GNA14: variants seen among roughly 807,000 people sequenced by gnomAD.
GNA14 encodes guanine nucleotide-binding protein subunit alpha-14.
GNA14 carries 50 observed loss-of-function variants against 42.0 expected under a neutral mutation model. The observed-to-expected ratio is 1.19, with a 90% CI of 0.95 to 1.51. GNA14 has a LOEUF of 1.51. GNA14 is among the 40% of genes most tolerant of loss of function. The pLI, the probability that GNA14 is intolerant of heterozygous loss-of-function variation, is 0.00. For missense variants in GNA14, 473 were observed against 446.2 expected (o/e 1.06, Z -0.54); for synonymous variants, 173 against 163.1 (o/e 1.06, Z -0.46).
intron 1 of GNA14, among the ~76,000 whole-genome samples, chr9:77,591,099 C>T (rs994802735): frequency 1.3e-5 from 2 of 152,158 alleles, no homozygotes; most frequent in African/African-American, 4.8e-5. Context: ...TCTTGCCCTC[C>T]AGGAAGGCAG....
intron 2 of GNA14, among the ~76,000 whole-genome samples, chr9:77,464,309 A>G (rs1342609963): frequency 6.7e-6 from 1 of 148,786 alleles, no homozygotes; most frequent in African/African-American, 2.5e-5. Flanking sequence ...CCATGTGTGT[A>G]TGTGAGAGTG....
At chr9:77,491,069 T>A (rs1836765903) in intron 2 of GNA14, among the ~76,000 whole-genome samples, 1 of 152,216 alleles carries the variant, frequency 6.6e-6, no homozygotes, top group Admixed American at 6.5e-5. Context: ...TCGAATGACA[T>A]TTTCAAATTG....
chr9:77,557,575 T>C (rs1822804973), intron 1 of GNA14, among the ~76,000 whole-genome samples: 1 of 152,218 alleles, frequency 6.6e-6, no homozygotes, highest in South Asian at 2.1e-4. Flanking sequence ...TATGAAACTA[T>C]CTTTTCAATA....
chr9:77,645,247 C>A (rs1393539931), intron 1 of GNA14, among the ~76,000 whole-genome samples: 1 of 152,190 alleles, frequency 6.6e-6, no homozygotes, highest in Admixed American at 6.5e-5. Flanking sequence ...AACTGAGGCA[C>A]CTGAGCAGTG....
At chr9:77,429,814 G>A (rs147267869) in intron 4 of GNA14, among the ~76,000 whole-genome samples, 16 of 152,268 alleles carry the variant, frequency 1.1e-4, no homozygotes, top group Middle Eastern at 6.8e-3. Context: ...GAGAAACAAG[G>A]TATCCAATGT....
At chr9:77,596,207 T>C (rs114061930) in intron 1 of GNA14, among the ~76,000 whole-genome samples, 2,276 of 152,058 alleles carry the variant, frequency 0.015, 54 homozygotes, top group African/African-American at 0.052. Context: ...ACAAATGTCA[T>C]TGACTGCATC....
rs564322747 is a variant in GNA14 at position 77,507,056 on chromosome 9, A to T, written c.309+22013T>A. ...AAAGAACATAGCAGATTTTATCCACATTTCCCAGTTGAAAGTAAGTTCAGA... is the reference window on the plus strand; with the variant it reads ...AAAGAACATAGCAGATTTTATCCACTTTTCCCAGTTGAAAGTAAGTTCAGA... On this transcript the variant is annotated intron_variant, in intron 2 of 6. Transcript: ENST00000341700. 2.6e-5 allele frequency among the ~76,000 whole-genome samples: 4 copies of T among 152,322 alleles called. No individual in the cohort carries two copies. The South Asian group carries it at 8.3e-4, about 32-fold the overall frequency.
At chr9:77,479,322 C>T (rs1245351545) in intron 2 of GNA14, among the ~76,000 whole-genome samples, 4 of 152,130 alleles carry the variant, frequency 2.6e-5, no homozygotes, top group Non-Finnish European at 5.9e-5. Context: ...TGTCAAAGAT[C>T]AGATGGTTGT....
chr9:77,456,209 C>A (rs1437357779), intron 2 of GNA14: 1 of 152,128 alleles, frequency 6.6e-6, no homozygotes, highest in African/African-American at 2.4e-5. Flanking sequence ...CCAGAACAAC[C>A]ATTCAATTCC....
chr9:77,585,993 G>C (rs1823295016), intron 1 of GNA14, among the ~76,000 whole-genome samples: 2 of 152,016 alleles, frequency 1.3e-5, no homozygotes, highest in African/African-American at 4.8e-5. Context: ...TTATTTTCCA[G>C]GCAGTCTTAG....
chr9:77,576,850 A>G (rs1243319415), intron 1 of GNA14, among the ~76,000 whole-genome samples: 2 of 152,186 alleles, frequency 1.3e-5, no homozygotes, highest in Admixed American at 1.3e-4. Context: ...AACACAGCAA[A>G]TATTTTCCAG....
intron 2 of GNA14, chr9:77,518,146 C>T (rs1050750673): frequency 1.3e-5 from 2 of 152,100 alleles, no homozygotes; most frequent in Non-Finnish European, 2.9e-5. Flanking sequence ...CAGGAGCCAA[C>T]ATAGCCCTCA....
At chr9:77,485,553 T>G (rs1165914502) in intron 2 of GNA14, among the ~76,000 whole-genome samples, 1 of 152,196 alleles carries the variant, frequency 6.6e-6, no homozygotes, top group Non-Finnish European at 1.5e-5. Context: ...CCAGAAGGCT[T>G]TCAATTTACT....
intron 2 of GNA14, chr9:77,517,585 CTTTTCTTTTTTTTTTTT>C (rs1262093344): frequency 6.1e-5 from 3 of 48,810 alleles, no homozygotes; most frequent in Non-Finnish European, 1.2e-4. Flanking sequence ...TATCCTGGTA[CTTTTCTTTTTTTTTTTT>C]TTTTTTTTTT....
At chr9:77,496,367 G>A (rs956619740) in intron 2 of GNA14, among the ~76,000 whole-genome samples, 2 of 152,150 alleles carry the variant, frequency 1.3e-5, no homozygotes, top group African/African-American at 4.8e-5. Flanking sequence ...TTAACTCCTT[G>A]TTACTAAGTA....
chr9:77,470,851 G>T (rs1198131471), intron 2 of GNA14, among the ~76,000 whole-genome samples: 2 of 152,042 alleles, frequency 1.3e-5, no homozygotes, highest in Admixed American at 1.3e-4. Context: ...GAAAGAGAGA[G>T]CCAAGGGAGA....
Position 77,560,286 on chromosome 9 carries a change from C to CTTTTT in GNA14, c.125-31038_125-31034dup, listed in dbSNP as rs770870060. ...TAATTAATTTTTTTTCCTCTCCAGTCTTTTTTTTTTTTTTTTTTTTGAGGT... is the reference window on the plus strand; with the variant it reads ...TAATTAATTTTTTTTCCTCTCCAGTCTTTTTTTTTTTTTTTTTTTTTTTTTGAGGT... On this transcript the variant is annotated intron_variant, in intron 1 of 6. Transcript: ENST00000341700. Among the ~76,000 whole-genome samples, 45 of 119,552 alleles carry CTTTTT rather than the reference C, an allele frequency of 3.8e-4. 2 individuals carry two copies. The highest frequency in any genetic ancestry group is 1.5e-3 in the African/African-American group (44 of 29,466). 78.4% of individuals were successfully genotyped at this position (119,552 alleles called of 152,430 possible). A position where few individuals can be genotyped will look rare whatever the true frequency, so the allele number is the denominator to read the frequency against.
chr9:77,429,044 G>A lies in GNA14; in HGVS notation c.594-8C>T. On this transcript the variant is annotated splice_polypyrimidine_tract_variant and splice_region_variant and intron_variant, in intron 4 of 6. Coordinates refer to ENST00000341700, the MANE Select transcript of GNA14 (RefSeq NM_004297.4). ...CCACCAACATCCACCATCCTGTTGTGTAGAAACACAGATCCTTCAAAGGTT... is the reference window on the plus strand; with the variant it reads ...CCACCAACATCCACCATCCTGTTGTATAGAAACACAGATCCTTCAAAGGTT... 6.2e-7 allele frequency: 1 copy of A among 1,613,738 alleles called. No individual in the cohort carries two copies. The highest frequency in any genetic ancestry group is 8.5e-7 in the Non-Finnish European group (1 of 1,179,776).
chr9:77,436,925 A>T (rs1835646676), intron 2 of GNA14, among the ~76,000 whole-genome samples: 1 of 152,250 alleles, frequency 6.6e-6, no homozygotes, highest in Admixed American at 6.5e-5. Flanking sequence ...GGGAAGACGG[A>T]AGCCCGTGCA....
Sources: allele counts gnomAD v4.1 joint callset (sites outside exome capture counted in the v4.1 genomes callset), GRCh38; gene constraint gnomAD v4.1.1; transcripts MANE v1.5; gene names NCBI Gene and HGNC (gene_info 2026-07-23, HGNC 2026-07-21).